The following NT5DC3 variants were observed in gnomAD, a reference collection of about 807,000 sequenced individuals.
The protein encoded by NT5DC3 is 5'-nucleotidase domain-containing protein 3.
A neutral mutation model predicts 67.8 loss-of-function variants in NT5DC3; 42 were observed. The observed-to-expected ratio is 0.62, with a 90% CI of 0.48 to 0.80. The LOEUF (loss-of-function observed/expected upper bound fraction) is 0.80, where lower values mean the gene tolerates loss of function less well. Among genes scored for constraint, NT5DC3 ranks in the 30% least tolerant of loss-of-function variants. The pLI is 0.00. For missense variants in NT5DC3, 570 were observed against 696.4 expected (o/e 0.82, Z 2.04); for synonymous variants, 237 against 255.6 (o/e 0.93, Z 0.69).
chr12:103,794,095 A>G (rs878859978), intron 6 of NT5DC3, 98 bp from the exon 7 acceptor site: 6 of 889,938 alleles, frequency 6.7e-6, no homozygotes, highest in South Asian at 2.7e-5. Flanking sequence ...CTGTCCCTAG[A>G]AAGTCTGACA....
In NT5DC3 at chr12:103,806,290, C is replaced by A. The variant is rs762519133; in HGVS notation, c.524+32G>T. 5 of 1,463,238 alleles carry A rather than the reference C, an allele frequency of 3.4e-6. No homozygotes were observed. In the African/African-American group the frequency reaches 4.2e-5, roughly 12 times the overall value. 90.6% of individuals were successfully genotyped at this position (1,463,238 alleles called of 1,614,324 possible). A position where few individuals can be genotyped will look rare whatever the true frequency, so the allele number is the denominator to read the frequency against. On this transcript the variant is annotated intron_variant, in intron 4 of 13. Transcript: ENST00000392876. ...AAACCCAAAGCACCTGGTTACTTCA[C>A]GTAAATTAAATGTATCTCCTCTTAC...
chr12:103,795,924 A>G (rs189637929), intron 6 of NT5DC3, among the ~76,000 whole-genome samples: 311 of 152,330 alleles, frequency 2.0e-3, no homozygotes, highest in Non-Finnish European at 3.6e-3. Context: ...TTTCCTTGTC[A>G]AAACTAAAAT....
the NT5DC3 span, among the ~76,000 whole-genome samples, chr12:103,750,249 G>C: frequency 1.3e-5 from 2 of 152,218 alleles, no homozygotes; most frequent in Non-Finnish European, 2.9e-5. Flanking sequence ...AGAAACAAAT[G>C]CATGGAATTT....
At chr12:103,832,597 C>T (rs1263008372) in intron 1 of NT5DC3, among the ~76,000 whole-genome samples, 1 of 152,148 alleles carries the variant, frequency 6.6e-6, no homozygotes, top group Non-Finnish European at 1.5e-5. Context: ...TGAACTCTAG[C>T]TTTCAACTGG....
chr12:103,764,357 G>A, the NT5DC3 span, among the ~76,000 whole-genome samples: 1 of 152,298 alleles, frequency 6.6e-6, no homozygotes, highest in East Asian at 1.9e-4. Flanking sequence ...TTTCTTTGAT[G>A]AGGCCTTATA....
intron 4 of NT5DC3, among the ~76,000 whole-genome samples, chr12:103,800,898 A>T (rs930006586): frequency 2.0e-5 from 3 of 152,192 alleles, no homozygotes; most frequent in African/African-American, 7.2e-5. Flanking sequence ...AGAGAACTAT[A>T]AAAGTGCCTA....
downstream of NT5DC3, chr12:103,766,359 C>CCA (rs749968508): frequency 1.3e-6 from 2 of 1,594,166 alleles, no homozygotes; most frequent in African/African-American, 2.7e-5. Context: ...GAGATGCCAG[C>CCA]CATCACTCAC....
In NT5DC3 at chr12:103,798,609, T is replaced by C. The variant is rs1442036767; in HGVS notation, c.593A>G (p.Gln198Arg). Residue 198 changes from glutamine to arginine, a missense_variant, in exon 5 of 14, where the codon CAG (glutamine) becomes CGG (arginine). Transcript: ENST00000392876. ...MYEGSHVPLE[Q>R]MSDFYGKSSH... is the part of the protein sequence containing the mutation. ...TACCTTTCCGTAAAAGTCACTCATC[T>C]GCTCCAAGGGCACGTGGGACCCCTC... The C allele has an allele frequency of 1.9e-6, 3 of 1,613,506 alleles. No individual in the cohort carries two copies. Among genetic ancestry groups the C allele is most frequent in the Non-Finnish European group, 2.5e-6 (3 of 1,179,460 alleles).
chr12:103,805,179 G>C (rs1886745915), intron 4 of NT5DC3, among the ~76,000 whole-genome samples: 1 of 152,188 alleles, frequency 6.6e-6, no homozygotes, highest in South Asian at 2.1e-4. Context: ...GGAGAAGTGG[G>C]AGGAGGTGCC....
At chr12:103,810,356 T>A (rs975656096) in intron 2 of NT5DC3, among the ~76,000 whole-genome samples, 4 of 152,152 alleles carry the variant, frequency 2.6e-5, no homozygotes, top group African/African-American at 9.7e-5. Context: ...AACAGTGACA[T>A]CCAGCCCAAG....
At chr12:103,800,810 C>T (rs149129494) in intron 4 of NT5DC3, among the ~76,000 whole-genome samples, 2 of 152,200 alleles carry the variant, frequency 1.3e-5, no homozygotes, top group East Asian at 1.9e-4. Flanking sequence ...TTCCAATTCC[C>T]GCTCCCTTCA....
chr12:103,798,447 T>G lies in NT5DC3; in HGVS notation c.615+140A>C. The G allele has an allele frequency of 9.6e-6, 6 of 625,382 alleles. No individual in the cohort carries two copies. The South Asian group carries it at 1.2e-4, about 12-fold the overall frequency. 38.7% of individuals were successfully genotyped at this position (625,382 alleles called of 1,614,324 possible). ...AGAATCATGAAAGAATCTGGGGGTGTCCCCTTCAAACGCTAGTCTCTCTCA... is the reference window on the plus strand; with the variant it reads ...AGAATCATGAAAGAATCTGGGGGTGGCCCCTTCAAACGCTAGTCTCTCTCA... On this transcript the variant is annotated intron_variant, in intron 5 of 13. Transcript: ENST00000392876.
intron 1 of NT5DC3, among the ~76,000 whole-genome samples, chr12:103,826,261 C>T (rs916589035): frequency 2.0e-5 from 3 of 152,238 alleles, no homozygotes; most frequent in East Asian, 3.8e-4. Context: ...AAGATATCCA[C>T]GTCCTAATCC....
chr12:103,749,148 A>G, the NT5DC3 span: 1 of 1,600,714 alleles, frequency 6.2e-7, no homozygotes, highest in Non-Finnish European at 8.5e-7. Flanking sequence ...CTGTAAGATG[A>G]CAGGCCCGGT....
At chr12:103,746,586 T>C in the NT5DC3 span, 1 of 1,613,694 alleles carries the variant, frequency 6.2e-7, no homozygotes, top group Non-Finnish European at 8.5e-7. Context: ...AAGTGGCCCC[T>C]TTCTTTGCAG....
At chr12:103,831,846 G>T (rs1887944583) in intron 1 of NT5DC3, among the ~76,000 whole-genome samples, 1 of 148,862 alleles carries the variant, frequency 6.7e-6, no homozygotes. Context: ...TGTGATCTCG[G>T]CTCACTGCAA....
At chr12:103,834,489 C>G (rs1486248004) in intron 1 of NT5DC3, among the ~76,000 whole-genome samples, 1 of 151,998 alleles carries the variant, frequency 6.6e-6, no homozygotes, top group African/African-American at 2.4e-5. Flanking sequence ...ATGTAGTGTG[C>G]TATCCTGGAT....
the NT5DC3 span, chr12:103,762,146 C>T: frequency 5.4e-6 from 7 of 1,299,576 alleles, no homozygotes; most frequent in Non-Finnish European, 7.5e-6. Context: ...GTAATAAGGG[C>T]CAGATACATG....
chr12:103,750,437 G>T, the NT5DC3 span: 1 of 990,750 alleles, frequency 1.0e-6, no homozygotes, highest in East Asian at 2.4e-5. Flanking sequence ...GGACGTAGCA[G>T]TTATTCCCAC....
Sources: allele counts gnomAD v4.1 joint callset (sites outside exome capture counted in the v4.1 genomes callset), GRCh38; gene constraint gnomAD v4.1.1; transcripts MANE v1.5; gene names NCBI Gene and HGNC (gene_info 2026-07-23, HGNC 2026-07-21).